PSD2: variants seen among roughly 807,000 people sequenced by gnomAD.
PSD2 encodes PH and SEC7 domain-containing protein 2.
Under a neutral mutation model 69.8 loss-of-function variants are expected in PSD2, and 38 were observed. That is an observed-to-expected ratio of 0.54 (90% CI 0.42 to 0.71). The LOEUF (loss-of-function observed/expected upper bound fraction) is 0.71, where lower values mean the gene tolerates loss of function less well. Among genes scored for constraint, PSD2 ranks in the 30% least tolerant of loss-of-function variants. The probability of loss-of-function intolerance (pLI) is 0.00; values close to 1 mark genes in which losing one functional copy is unlikely to be tolerated. For missense variants in PSD2, 943 were observed against 1,014.5 expected, an observed-to-expected ratio of 0.93 and a Z score of 0.96; for synonymous variants, 412 against 423.0, an observed-to-expected ratio of 0.97 and a Z score of 0.32.
At chr5:139,781,982 A>G in the PSD2 span, among the ~76,000 whole-genome samples, 1 of 152,202 alleles carries the variant, frequency 6.6e-6, no homozygotes, top group South Asian at 2.1e-4. Context: ...ATTTCATATC[A>G]TAATTGCCTG....
chr5:139,803,306 C>T (rs1561592040), intron 1 of PSD2, among the ~76,000 whole-genome samples: 1 of 152,244 alleles, frequency 6.6e-6, no homozygotes, highest in Non-Finnish European at 1.5e-5. Flanking sequence ...GCTCTGACAG[C>T]TGCCAAGGAC....
intron 8 of PSD2, among the ~76,000 whole-genome samples, chr5:139,834,713 C>T (rs1274523629): frequency 6.6e-6 from 1 of 152,036 alleles, no homozygotes; most frequent in African/African-American, 2.4e-5. Flanking sequence ...ACATTGTCTC[C>T]ATCACTCTTC....
chr5:139,803,160 G>T (rs532153365), intron 1 of PSD2, among the ~76,000 whole-genome samples: 31 of 152,374 alleles, frequency 2.0e-4, no homozygotes, highest in Admixed American at 1.8e-3. Flanking sequence ...GGTGTTGGGA[G>T]GGCAGGACAG....
intron 5 of PSD2, among the ~76,000 whole-genome samples, chr5:139,819,658 A>T (rs1760207824): frequency 6.6e-6 from 1 of 152,158 alleles, no homozygotes; most frequent in Non-Finnish European, 1.5e-5. Flanking sequence ...CCTCTCCAGA[A>T]TCTTGGCCCT....
In PSD2 at chr5:139,822,693, C is replaced by T. The variant is rs769011507; in HGVS notation, c.1211-33C>T. The stretch of plus-strand genomic sequence containing the variant: ...ACAGGGAGTGGGAAGAGGTTGGATC[C>T]TCGCACTGAGAGTGCCACCATCTCT... On this transcript the variant is annotated intron_variant, in intron 6 of 14. Transcript: ENST00000274710. 18 of 1,592,154 alleles carry T rather than the reference C, an allele frequency of 1.1e-5. 1 individual carries two copies. The South Asian group carries it at 2.0e-4, about 18-fold the overall frequency.
intron 5 of PSD2, 63 bp from the exon 6 acceptor site, chr5:139,821,828 TGG>T: frequency 1.1e-6 from 1 of 875,460 alleles, no homozygotes; most frequent in East Asian, 2.6e-5. Context: ...GCTGTGTGTG[TGG>T]GGGGTGGTCT....
rs3797903 is a variant in PSD2, at chr5:139,813,704, G to C, written c.767G>C (p.Gly256Ala). 327 of 1,613,384 alleles carry C rather than the reference G, an allele frequency of 2.0e-4. No homozygotes were observed. Among genetic ancestry groups the C allele is most frequent in the Middle Eastern group, 3.3e-4 (2 of 6,072 alleles). The change falls in exon 3 of 15, where the codon GGG (glycine) becomes GCG (alanine). Residue 256 changes from glycine (G) to alanine (A), a missense_variant. This residue lies in a region of PSD2 where 466 missense variants were observed against 445.0 expected (regional missense o/e 1.05). Coordinates refer to ENST00000274710, the MANE Select transcript of PSD2 (RefSeq NM_032289.4). ...GFHEDGPQGP[G>A]GDEDDDEEDT... is the part of the protein sequence containing the mutation. The stretch of plus-strand genomic sequence containing the variant: ...CATGAAGATGGCCCTCAGGGCCCAG[G>C]GGGGGATGAGGATGATGATGAGGAG...
chr5:139,817,457 A>G, intron 4 of PSD2, 24 bp from the exon 5 acceptor site: 1 of 1,606,856 alleles, frequency 6.2e-7, no homozygotes, highest in Non-Finnish European at 8.5e-7. Context: ...TGCTTCTAAC[A>G]GACATCCCAT....
At chr5:139,751,010 C>T in the PSD2 span, among the ~76,000 whole-genome samples, 5 of 152,172 alleles carry the variant, frequency 3.3e-5, no homozygotes, top group East Asian at 9.6e-4. Flanking sequence ...CTGTGCAGGC[C>T]TCTCCCATGG....
Position 139,828,169 on chromosome 5 carries a change from C to T in PSD2, c.1269+5385C>T, listed in dbSNP as rs561258860. Among the ~76,000 whole-genome samples the T allele has an allele frequency of 2.6e-4, 39 of 151,958 alleles. 1 individual carries two copies. The South Asian group carries it at 4.2e-3, about 16-fold the overall frequency. On this transcript the variant is annotated intron_variant, in intron 7 of 14. Coordinates refer to ENST00000274710, the MANE Select transcript of PSD2 (RefSeq NM_032289.4). ...TGGCAGTGTGGGTTAGAATTGGAGA[C>T]GGAGACCAGGAGAGAAATTCCAGAG...
At position 139,839,921 on chromosome 5, in the gene PSD2, A is replaced by T; in HGVS notation, c.1969-106A>T. On this transcript the variant is annotated intron_variant, in intron 13 of 14. Transcript: ENST00000274710. This position sits in a 1 kb window ranked among gnomAD's most constrained non-coding sequence, Gnocchi z 5.1. ...TCCCCACATTTTGGTGATGCTGGCT[A>T]GGCCTTCATTTCCCTTTGGTGGAGC... The T allele has an allele frequency of 7.8e-7, 1 of 1,276,790 alleles. No homozygotes were observed. Among genetic ancestry groups the T allele is most frequent in the Non-Finnish European group, 1.1e-6 (1 of 896,830 alleles). 79.1% of individuals were successfully genotyped at this position (1,276,790 alleles called of 1,614,324 possible).
chr5:139,795,810 C>G lies in PSD2; in HGVS notation c.-216C>G, dbSNP rs1759506878. 1 of 151,600 alleles carries G rather than the reference C, an allele frequency of 6.6e-6. No individual in the cohort carries two copies. Among genetic ancestry groups the G allele is most frequent in the Non-Finnish European group, 1.5e-5 (1 of 67,874 alleles). 9.4% of individuals were successfully genotyped at this position (151,600 alleles called of 1,614,324 possible). A position where few individuals can be genotyped will look rare whatever the true frequency, so the allele number is the denominator to read the frequency against. ...CACGGCTCCGCTCCCTCCCTCCTGCCGTCCGTCCCCCTCGCTCAGCCTCTC... is the reference window on the plus strand; with the variant it reads ...CACGGCTCCGCTCCCTCCCTCCTGCGGTCCGTCCCCCTCGCTCAGCCTCTC... On this transcript the variant is annotated 5_prime_UTR_variant, in exon 1 of 15. Coordinates refer to ENST00000274710, the MANE Select transcript of PSD2 (RefSeq NM_032289.4). The surrounding 1 kb of genome is among the most constrained non-coding windows in gnomAD (Gnocchi z 4.5).
At chr5:139,747,508 G>A in the PSD2 span, among the ~76,000 whole-genome samples, 3 of 152,230 alleles carry the variant, frequency 2.0e-5, no homozygotes, top group African/African-American at 7.2e-5. The surrounding 1 kb of genome is among the most constrained non-coding windows in gnomAD (Gnocchi z 6.7). Context: ...GAGATCTGGG[G>A]CCGGAAGGAA....
chr5:139,782,634 A>G, the PSD2 span, among the ~76,000 whole-genome samples: 1 of 151,902 alleles, frequency 6.6e-6, no homozygotes, highest in East Asian at 1.9e-4. Context: ...CTGGGACTAC[A>G]GGCGCATGCC....
intron 7 of PSD2, among the ~76,000 whole-genome samples, chr5:139,828,583 T>C (rs1760488522): frequency 6.6e-6 from 1 of 152,140 alleles, no homozygotes; most frequent in African/African-American, 2.4e-5. Context: ...GATTTGCAAA[T>C]AGTGGCAAGG....
chr5:139,802,056 C>G (rs1436726690), intron 1 of PSD2, among the ~76,000 whole-genome samples: 1 of 152,042 alleles, frequency 6.6e-6, no homozygotes, highest in Non-Finnish European at 1.5e-5. Flanking sequence ...ATCAAGGAGG[C>G]CACAACCTGC....
chr5:139,833,840 T>A (rs567607963), intron 8 of PSD2, 49 bp downstream of exon 8: 5 of 1,376,612 alleles, frequency 3.6e-6, no homozygotes, highest in African/African-American at 2.8e-5. Context: ...CCTGAATGGA[T>A]AGAGAGGAGA....
At chr5:139,793,271 G>C (rs1759451704), upstream of PSD2, among the ~76,000 whole-genome samples, 1 of 152,174 alleles carries the variant, frequency 6.6e-6, no homozygotes, top group Non-Finnish European at 1.5e-5. Context: ...AGGAGGCGAA[G>C]GTAGCCACAA....
chr5:139,746,760 A>G, the PSD2 span, among the ~76,000 whole-genome samples: 1 of 151,538 alleles, frequency 6.6e-6, no homozygotes, highest in Admixed American at 6.6e-5. This position sits in a 1 kb window ranked among gnomAD's most constrained non-coding sequence, Gnocchi z 4.5. Context: ...CGGCTCCCCA[A>G]CCCCGCCATT....
Sources: allele counts gnomAD v4.1 joint callset (sites outside exome capture counted in the v4.1 genomes callset), GRCh38; gene constraint gnomAD v4.1.1; regional missense constraint gnomAD v4.1.1; non-coding constraint Gnocchi (gnomAD v3.1); transcripts MANE v1.5; gene names NCBI Gene and HGNC (gene_info 2026-07-23, HGNC 2026-07-21).